Variants in PFAS observed in about 807,000 individuals in gnomAD.
PFAS encodes FGAM synthase.
Under a neutral mutation model 140.6 loss-of-function variants are expected in PFAS, and 97 were observed. The ratio of observed to expected loss-of-function variants is 0.69; its 90% CI spans 0.59 to 0.82. PFAS has a LOEUF of 0.82. PFAS is among the 40% of genes least tolerant of loss of function. The pLI is 0.00. For missense variants in PFAS, 1,656 were observed against 1,780.2 expected (o/e 0.93, Z 1.26); for synonymous variants, 679 against 718.8 (o/e 0.94, Z 0.88).
At position 8,263,045 on chromosome 17, in the gene PFAS, G is replaced by A. The variant is rs767272914; in HGVS notation, c.1410+52G>A. The A allele has an allele frequency of 2.5e-6, 4 of 1,606,996 alleles. No homozygotes were observed. In the Admixed American group the frequency reaches 5.0e-5, roughly 20 times the overall value. ...AATCCTTGATATAACCGGGCCCCAGGCATAGGGGAGCGTATAGGAGCTTCC... is the reference window on the plus strand; with the variant it reads ...AATCCTTGATATAACCGGGCCCCAGACATAGGGGAGCGTATAGGAGCTTCC... On this transcript the variant is annotated intron_variant, in intron 12 of 27. Transcript: ENST00000314666.
chr17:8,248,554 C>G (rs1438562029), upstream of PFAS, among the ~76,000 whole-genome samples: 6 of 149,870 alleles, frequency 4.0e-5, no homozygotes, highest in African/African-American at 1.2e-4. Flanking sequence ...AAACACAGCC[C>G]CTGGCCCTCT....
Position 8,255,124 on chromosome 17 carries a change from CGGCTCTCGGTGA to C in PFAS, c.379_384+6del. 1 of 1,608,476 alleles carries C rather than the reference CGGCTCTCGGTGA, an allele frequency of 6.2e-7. No homozygotes were observed. The highest frequency in any genetic ancestry group is 2.2e-5 in the East Asian group (1 of 44,852). On this transcript the variant is annotated splice_donor_variant and splice_donor_region_variant and coding_sequence_variant and intron_variant, in exon 4 of 28. Coordinates refer to ENST00000314666, the MANE Select transcript of PFAS (RefSeq NM_012393.3). LOFTEE classifies it high-confidence loss of function. The stretch of plus-strand genomic sequence containing the variant: ...TCGTGTGGAGACCACCCGGCGCTAC[CGGCTCTCGGTGA>C]GGTGATGGGGAATCAGGAGGAGGAG...
At chr17:8,263,016 G>T in intron 12 of PFAS, 23 bp downstream of exon 12, 1 of 1,612,340 alleles carries the variant, frequency 6.2e-7, no homozygotes, top group South Asian at 1.1e-5. Context: ...TGCTAAAGGT[G>T]CAGAATCCTT....
At chr17:8,262,869 C>A in intron 11 of PFAS, 51 bp from the exon 12 acceptor site, 1 of 1,414,868 alleles carries the variant, frequency 7.1e-7, no homozygotes, top group Non-Finnish European at 1.0e-6. Flanking sequence ...GCTTTCGAGG[C>A]CTCTTCTCGT....
chr17:8,268,833 C>T lies in PFAS; in HGVS notation c.3683C>T (p.Pro1228Leu). The change falls in exon 27 of 28, where the codon CCC becomes CTC. Residue 1228 changes from proline (P) to leucine (L), a missense_variant. Pro to Leu is a moderately conservative substitution (Grantham distance 98). Around this residue, in one of 2 missense-constraint regions of PFAS, gnomAD observed 883 missense variants for 1,023.0 expected, o/e 0.86. Coordinates refer to ENST00000314666, the MANE Select transcript of PFAS (RefSeq NM_012393.3). ...CGAGGGATGGAGGGCGCCGTGCTGC[C>T]CGTGTGGAGTGCGCACGGGGAAGGT... ...MLRGMEGAVL[P>L]VWSAHGEGYV... 1 of 1,608,416 alleles carries T rather than the reference C, an allele frequency of 6.2e-7. No homozygotes were observed. Among genetic ancestry groups the T allele is most frequent in the Non-Finnish European group, 8.5e-7 (1 of 1,179,862 alleles).
intron 8 of PFAS, 80 bp downstream of exon 8, chr17:8,256,728 G>C: frequency 1.3e-6 from 2 of 1,563,206 alleles, no homozygotes; most frequent in Non-Finnish European, 1.7e-6. Context: ...GAGTGGGCCT[G>C]GGGAAAATAA....
In PFAS at chr17:8,268,875, TG is replaced by T; in HGVS notation, c.3706+24del. 6.2e-7 allele frequency: 1 copy of T among 1,611,076 alleles called. No homozygotes were observed. ...GGGGAAGGTCAGGCCCAAGGAAGGC[TG>T]GGGGAGGGCCCGAGGGTTGGGGGCA... On this transcript the variant is annotated intron_variant, in intron 27 of 27. Coordinates refer to ENST00000314666, the MANE Select transcript of PFAS (RefSeq NM_012393.3).
At position 8,256,277 on chromosome 17, in the gene PFAS, C is replaced by T. The variant is rs769958484; in HGVS notation, c.691C>T (p.Arg231Ter). Residue 231 changes from arginine (R) to a stop codon, truncating the protein, a stop_gained, in exon 7 of 28, where the codon CGA becomes TGA. Coordinates refer to ENST00000314666, the MANE Select transcript of PFAS (RefSeq NM_012393.3). LOFTEE classifies it high-confidence loss of function. ...DLAQSNSEHSRHWFFKGQLHV... is the reference protein window; with the variant it reads ...DLAQSNSEHS ...CATCGCCCCCTGCAGCGAGCACAGC[C>T]GACACTGGTTCTTCAAGGGCCAGCT... The T allele has an allele frequency of 7.4e-6, 12 of 1,613,850 alleles. No homozygotes were observed. Among genetic ancestry groups the T allele is most frequent in the Admixed American group, 5.0e-5 (3 of 59,984 alleles).
Position 8,256,665 on chromosome 17 carries a change from G to A in PFAS, c.946+17G>A. On this transcript the variant is annotated intron_variant, in intron 8 of 27. Coordinates refer to ENST00000314666, the MANE Select transcript of PFAS (RefSeq NM_012393.3). ...TTCCCACAGGTGAGCTGGGTTCCCT[G>A]GAGAAATAGGTGAGATCACAGAATA... 1 of 1,613,594 alleles carries A rather than the reference G, an allele frequency of 6.2e-7. No homozygotes were observed. The highest frequency in any genetic ancestry group is 8.5e-7 in the Non-Finnish European group (1 of 1,179,780).
At chr17:8,268,451 CAG>C (rs1989917432) in intron 26 of PFAS, 80 bp from the exon 27 acceptor site, 1 of 872,346 alleles carries the variant, frequency 1.1e-6, no homozygotes, top group Non-Finnish European at 1.8e-6. Flanking sequence ...AGAAAAGAAA[CAG>C]AGCAGTTATG....
At position 8,262,943 on chromosome 17, in the gene PFAS, G is replaced by A. The variant is rs761218624; in HGVS notation, c.1360G>A (p.Gly454Ser). 1.9e-6 allele frequency: 3 copies of A among 1,614,078 alleles called. No individual in the cohort carries two copies. The highest frequency in any genetic ancestry group is 1.7e-6 in the Non-Finnish European group (2 of 1,179,926). Residue 454 changes from glycine (G) to serine (S), a missense_variant, in exon 12 of 28, where the codon GGT (glycine) becomes AGT (serine). By Grantham distance (56) the Gly-to-Ser change is moderately conservative. Around this residue, in one of 2 missense-constraint regions of PFAS, gnomAD observed 773 missense variants for 757.3 expected, o/e 1.02. Transcript: ENST00000314666. Reference sequence around the variant, plus strand: ...AGGCATGGAAGTTGTAAAGGTTGGAGGTCCCGTCTACAGGATTGGAGTTGG... The same window carrying A: ...AGGCATGGAAGTTGTAAAGGTTGGAAGTCCCGTCTACAGGATTGGAGTTGG... ...EPGMEVVKVG[G>S]PVYRIGVGGG...
rs376893488 is a variant in PFAS at position 8,256,256 on chromosome 17, G to A, written c.681-11G>A. ...CCACCTGCCTTCCCCTCCCTGCATC[G>A]CCCCCTGCAGCGAGCACAGCCGACA... On this transcript the variant is annotated splice_polypyrimidine_tract_variant and intron_variant, in intron 6 of 27. Transcript: ENST00000314666. 71 of 1,612,264 alleles carry A rather than the reference G, an allele frequency of 4.4e-5. 1 individual carries two copies. Among genetic ancestry groups the A allele is most frequent in the East Asian group, 4.5e-5 (2 of 44,886 alleles).
chr17:8,252,308 A>AAAAT (rs1025065327), intron 1 of PFAS, among the ~76,000 whole-genome samples: 12 of 152,046 alleles, frequency 7.9e-5, no homozygotes, highest in Admixed American at 2.6e-4. Context: ...AAAGAAAAAG[A>AAAAT]AAATAAATAA....
chr17:8,250,397 G>A (rs576651255), intron 1 of PFAS, among the ~76,000 whole-genome samples: 1 of 152,334 alleles, frequency 6.6e-6, no homozygotes, highest in South Asian at 2.1e-4. Context: ...CTAGAGTGAG[G>A]TAGTAGAGAT....
chr17:8,248,410 A>ATTTTTTTTTTTTTTTTT (rs35534210), upstream of PFAS, among the ~76,000 whole-genome samples: 251 of 67,616 alleles, frequency 3.7e-3, 2 homozygotes, highest in Middle Eastern at 9.8e-3. Flanking sequence ...CGCCCGGCTA[A>ATTTTTTTTTTTTTTTTT]TTTTTTTTTT....
At chr17:8,248,025 G>C (rs758287945), upstream of PFAS, 5 of 1,396,760 alleles carry the variant, frequency 3.6e-6, no homozygotes, top group East Asian at 2.0e-4. Flanking sequence ...CCTGGGCCCG[G>C]CCAGCCGCCA....
Position 8,266,347 on chromosome 17 carries a change from G to A in PFAS, c.2815G>A (p.Val939Ile). The change falls in exon 22 of 28, where the codon GTT becomes ATT. Residue 939 changes from valine to isoleucine, a missense_variant. Coordinates refer to ENST00000314666, the MANE Select transcript of PFAS (RefSeq NM_012393.3). The surrounding 1 kb of genome is among the most constrained non-coding windows in gnomAD (Gnocchi z 5.0). The part of the protein sequence containing the change: ...GLQVDVPVPR[V>I]DVLSVLFAEE... ...ACAGGTGGATGTGCCTGTCCCCAGGGTTGATGGTAAGGAACCTGGGGTCTA... is the reference window on the plus strand; with the variant it reads ...ACAGGTGGATGTGCCTGTCCCCAGGATTGATGGTAAGGAACCTGGGGTCTA... 6.2e-7 allele frequency: 1 copy of A among 1,614,058 alleles called. No homozygotes were observed. The highest frequency in any genetic ancestry group is 8.5e-7 in the Non-Finnish European group (1 of 1,179,996).
chr17:8,254,124 G>A (rs1211907757), intron 2 of PFAS, 42 bp from the exon 3 acceptor site: 3 of 1,613,818 alleles, frequency 1.9e-6, no homozygotes, highest in Non-Finnish European at 2.5e-6. Context: ...CCTCGGTGCT[G>A]GGGGCAGTGT....
chr17:8,267,418 T>C lies in PFAS; in HGVS notation c.3222T>C (p.Asn1074=), dbSNP rs1474748056. The C allele has an allele frequency of 1.2e-6, 2 of 1,614,032 alleles. No individual in the cohort carries two copies. The highest frequency in any genetic ancestry group is 1.7e-6 in the Non-Finnish European group (2 of 1,180,022). Residue 1074 remains asparagine (N), a synonymous_variant, in exon 25 of 28, where the codon AAT becomes AAC. Transcript: ENST00000314666. The surrounding 1 kb of genome is among the most constrained non-coding windows in gnomAD (Gnocchi z 4.9). The stretch of plus-strand genomic sequence containing the variant: ...CCATCTTGCGAGAGGAGGGCAGTAA[T>C]GGAGACCGGGAGATGGCCGATGCCT... ...RVAILREEGS[N]GDREMADAFH...
Sources: allele counts gnomAD v4.1 joint callset (sites outside exome capture counted in the v4.1 genomes callset), GRCh38; gene constraint gnomAD v4.1.1; regional missense constraint gnomAD v4.1.1; non-coding constraint Gnocchi (gnomAD v3.1); transcripts MANE v1.5; gene names NCBI Gene and HGNC (gene_info 2026-07-23, HGNC 2026-07-21).